ZP3: variants seen among roughly 807,000 people sequenced by gnomAD.
The protein encoded by ZP3 is zona pellucida glycoprotein 3.
Under a neutral mutation model 35.6 loss-of-function variants are expected in ZP3, and 21 were observed. The ratio of observed to expected loss-of-function variants is 0.59; its 90% CI spans 0.42 to 0.85. ZP3 has a LOEUF of 0.85. Ranked by LOEUF, ZP3 falls within the 40% of genes least tolerant of loss-of-function variation. ZP3 has a pLI of 0.00. For synonymous variants in ZP3, 207 were observed against 214.5 expected (o/e 0.96, Z 0.31); for missense variants, 437 against 536.5 (o/e 0.81, Z 1.83).
At chr7:76,434,513 C>T (rs1805933773) in intron 5 of ZP3, among the ~76,000 whole-genome samples, 1 of 141,590 alleles carries the variant, frequency 7.1e-6, no homozygotes, top group Non-Finnish European at 1.6e-5. Context: ...GGTTGGGTAC[C>T]TGTAATCCCA....
chr7:76,400,937 TG>T (rs1468479218), intron 1 of ZP3: 1 of 1,543,016 alleles, frequency 6.5e-7, no homozygotes, highest in Non-Finnish European at 8.8e-7. Context: ...TCACTTCCTG[TG>T]GTTCCCTGTC....
At chr7:76,400,708 A>C in intron 1 of ZP3, 1 of 1,205,570 alleles carries the variant, frequency 8.3e-7, no homozygotes, top group Non-Finnish European at 1.1e-6. Flanking sequence ...GGGTCTCACT[A>C]TGTTGCCAAG....
chr7:76,400,340 C>A, intron 1 of ZP3: 1 of 1,522,970 alleles, frequency 6.6e-7, no homozygotes, highest in Non-Finnish European at 8.8e-7. Context: ...ACGCCCCAGC[C>A]GCGGCTGCCG....
At chr7:76,406,203 C>A (rs28450657) in intron 1 of ZP3, among the ~76,000 whole-genome samples, 46,965 of 151,920 alleles carry the variant, frequency 0.31, 8,256 homozygotes, top group African/African-American at 0.47. Flanking sequence ...GTCTTGAACT[C>A]CTGACCTCAG....
chr7:76,435,550 C>T (rs1391731199), intron 5 of ZP3, among the ~76,000 whole-genome samples: 1 of 152,254 alleles, frequency 6.6e-6, no homozygotes, highest in African/African-American at 2.4e-5. Context: ...GTTTCCAGTG[C>T]TGGCTCTATA....
intron 5 of ZP3, among the ~76,000 whole-genome samples, chr7:76,438,715 C>T (rs1253334138): frequency 7.0e-6 from 1 of 143,040 alleles, no homozygotes; most frequent in Non-Finnish European, 1.5e-5. Context: ...AGGGTATCAG[C>T]CTGGTGAGTC....
At chr7:76,436,051 TTTTTTTTTTTTTTTTTTTTTTTTTG>T (rs1805996669) in intron 5 of ZP3, among the ~76,000 whole-genome samples, 16 of 64,682 alleles carry the variant, frequency 2.5e-4, no homozygotes, top group Non-Finnish European at 4.4e-4. Context: ...TTTTTTTTTT[TTTTTTTTTTTTTTTTTTTTTTTTTG>T]AGAGGGTCTC....
At chr7:76,406,157 T>G (rs1805022915) in intron 1 of ZP3, among the ~76,000 whole-genome samples, 1 of 152,034 alleles carries the variant, frequency 6.6e-6, no homozygotes, top group African/African-American at 2.4e-5. Context: ...GGCTCATTTT[T>G]TGTAGAGATG....
chr7:76,432,568 C>T, intron 2 of ZP3, among the ~76,000 whole-genome samples: 1 of 152,110 alleles, frequency 6.6e-6, no homozygotes, highest in East Asian at 1.9e-4. Flanking sequence ...CTCCAGTCTC[C>T]ACCTCCCAAA....
chr7:76,423,007 A>AG (rs1805544024), upstream of ZP3, among the ~76,000 whole-genome samples: 40 of 76,112 alleles, frequency 5.3e-4, no homozygotes, highest in Admixed American at 6.0e-3. Flanking sequence ...AAAAGAAAGA[A>AG]AGAGAGAGAG....
intron 1 of ZP3, among the ~76,000 whole-genome samples, chr7:76,418,521 A>G (rs1434757502): frequency 7.3e-6 from 1 of 137,024 alleles, no homozygotes; most frequent in Non-Finnish European, 1.5e-5. Flanking sequence ...ACTGTACTCC[A>G]GCCTGGGCCA....
rs1805772201 is a variant in ZP3 at position 76,429,633 on chromosome 7, G to T, written c.431G>T (p.Arg144Met). Residue 144 changes from arginine (R) to methionine (M), a missense_variant and splice_region_variant, in exon 2 of 8, where the codon AGG becomes ATG. By Grantham distance (91) the Arg-to-Met change is moderately conservative (BLOSUM62 -1). Around this residue, in one of 6 missense-constraint regions of ZP3, gnomAD observed 352 missense variants for 308.4 expected, o/e 1.14. Coordinates refer to ENST00000394857, the MANE Select transcript of ZP3 (RefSeq NM_001110354.2). Reference sequence around the variant, plus strand: ...ATTCCCATCGAGTGCCGCTACCCCAGGTCGGTGTGGGACTGACTCATGGCC... The same window carrying T: ...ATTCCCATCGAGTGCCGCTACCCCATGTCGGTGTGGGACTGACTCATGGCC... The part of the protein sequence containing the change: ...AEIPIECRYP[R>M]QGNVSSQAIL... 1 of 1,613,682 alleles carries T rather than the reference G, an allele frequency of 6.2e-7. No homozygotes were observed. Among genetic ancestry groups the T allele is most frequent in the Non-Finnish European group, 8.5e-7 (1 of 1,179,750 alleles).
chr7:76,412,230 CTG>C (rs1267321249), intron 1 of ZP3, among the ~76,000 whole-genome samples: 1 of 150,956 alleles, frequency 6.6e-6, no homozygotes, highest in Non-Finnish European at 1.5e-5. Context: ...AAAGGAATAA[CTG>C]TTGATGTATG....
chr7:76,397,833 C>T, intron 1 of ZP3: 1 of 1,563,098 alleles, frequency 6.4e-7, no homozygotes, highest in South Asian at 1.2e-5. Flanking sequence ...CTGCCCTCAC[C>T]TGGGGATGGG....
At chr7:76,406,936 C>T (rs1330410471) in intron 1 of ZP3, among the ~76,000 whole-genome samples, 1 of 151,842 alleles carries the variant, frequency 6.6e-6, no homozygotes. Context: ...TTTATTGGCA[C>T]ATTTCTTCTG....
At position 76,404,377 on chromosome 7, in the gene ZP3, C is replaced by A. The variant is rs772281709; in HGVS notation, c.-67+6580C>A. ...GAGGGGCAGCACTCCCATCTCCCAACCTCCACCCCCAGCGCTTCTCATCCA... is the reference window on the plus strand; with the variant it reads ...GAGGGGCAGCACTCCCATCTCCCAAACTCCACCCCCAGCGCTTCTCATCCA... On this transcript the variant is annotated intron_variant, in intron 1 of 8. Transcript: ENST00000336517. The A allele has an allele frequency of 9.9e-6, 16 of 1,613,742 alleles. No homozygotes were observed. Among genetic ancestry groups the A allele is most frequent in the Non-Finnish European group, 1.3e-5 (15 of 1,179,954 alleles).
intron 1 of ZP3, among the ~76,000 whole-genome samples, chr7:76,427,047 C>T (rs1805684736): frequency 6.6e-6 from 1 of 151,610 alleles, no homozygotes; most frequent in Admixed American, 6.6e-5. Context: ...AGAGCAAGAC[C>T]CTCTTTTATT....
At chr7:76,431,675 G>A (rs571077603) in intron 2 of ZP3, among the ~76,000 whole-genome samples, 6 of 152,098 alleles carry the variant, frequency 3.9e-5, no homozygotes, top group South Asian at 2.1e-4. Context: ...CGAGGCGGGC[G>A]GATCATGAGG....
Position 76,440,556 on chromosome 7 carries a change from G to A in ZP3, c.1005G>A (p.Arg335=). 1.2e-6 allele frequency: 2 copies of A among 1,614,208 alleles called. No homozygotes were observed. The highest frequency in any genetic ancestry group is 1.7e-6 in the Non-Finnish European group (2 of 1,180,034). The part of the protein sequence containing the change: ...GDCGTPSHSR[R]QPHVMSQWSR... ...GTGGCACTCCAAGCCATTCCAGGAGGCAGCCTCATGTCATGAGCCAGTGGT... is the reference window on the plus strand; with the variant it reads ...GTGGCACTCCAAGCCATTCCAGGAGACAGCCTCATGTCATGAGCCAGTGGT... Residue 335 remains arginine, a synonymous_variant, in exon 7 of 8, where the codon AGG becomes AGA. Transcript: ENST00000394857.
Sources: allele counts gnomAD v4.1 joint callset (sites outside exome capture counted in the v4.1 genomes callset), GRCh38; gene constraint gnomAD v4.1.1; regional missense constraint gnomAD v4.1.1; transcripts MANE v1.5; gene names NCBI Gene and HGNC (gene_info 2026-07-23, HGNC 2026-07-21).